ABCA12: variants seen among roughly 807,000 people sequenced by gnomAD.
The protein encoded by ABCA12 is glucosylceramide transporter ABCA12.
ABCA12 carries 156 observed loss-of-function variants against 293.5 expected under a neutral mutation model. The ratio of observed to expected loss-of-function variants is 0.53; its 90% CI spans 0.47 to 0.61. ABCA12 has a LOEUF of 0.61. ABCA12 is among the 20% of genes least tolerant of loss of function. The pLI, the probability that ABCA12 is intolerant of heterozygous loss-of-function variation, is 0.00. For synonymous variants in ABCA12, 1,063 were observed against 1,108.0 expected (o/e 0.96, Z 0.81); for missense variants, 2,797 against 3,090.2 (o/e 0.91, Z 2.25).
chr2:214,986,658 A>G lies in ABCA12; in HGVS notation c.4047T>C (p.His1349=), dbSNP rs753988231. Residue 1349 remains histidine (H), a synonymous_variant, in exon 28 of 53, where the codon CAT becomes CAC. Transcript: ENST00000272895. ...TTGAGCCATAGATCTTTGTGACCCC[A>G]TGCAGGGCAACCCCGACTGTGAGAT... ...PKDLTVGVAL[H]GVTKIYGSKV... 13 of 1,614,160 alleles carry G rather than the reference A, an allele frequency of 8.1e-6. No individual in the cohort carries two copies. In the South Asian group the frequency reaches 1.3e-4, roughly 16 times the overall value.
intron 1 of ABCA12, among the ~76,000 whole-genome samples, chr2:215,124,735 T>A (rs967788011): frequency 1.3e-5 from 2 of 152,212 alleles, no homozygotes; most frequent in Admixed American, 6.5e-5. Flanking sequence ...TTGTGAAGAT[T>A]TTCTCCCACT....
intron 2 of ABCA12, among the ~76,000 whole-genome samples, chr2:215,094,976 G>T (rs77538866): frequency 0.055 from 8,366 of 151,702 alleles, 744 homozygotes; most frequent in African/African-American, 0.19. Flanking sequence ...CCTATCAATG[G>T]GACAGGCACA....
chr2:214,968,845 G>T, intron 37 of ABCA12, 38 bp from the exon 38 acceptor site: 1 of 1,575,274 alleles, frequency 6.3e-7, no homozygotes, highest in Non-Finnish European at 8.7e-7. Context: ...TGGTTTAGTG[G>T]AGAAAATCTT....
At chr2:214,944,051 T>C (rs1698496150) in intron 49 of ABCA12, among the ~76,000 whole-genome samples, 2 of 152,158 alleles carry the variant, frequency 1.3e-5, no homozygotes, top group Admixed American at 1.3e-4. Context: ...GTCTGCTTTG[T>C]GGAGGAGAGG....
chr2:214,963,026 A>G (rs1699156444), intron 39 of ABCA12: 1 of 152,154 alleles, frequency 6.6e-6, no homozygotes, highest in South Asian at 2.1e-4. Context: ...AACCAAGAGC[A>G]AATAAACCCC....
intron 2 of ABCA12, among the ~76,000 whole-genome samples, chr2:215,092,191 C>A (rs577528002): frequency 6.6e-6 from 1 of 152,162 alleles, no homozygotes; most frequent in Non-Finnish European, 1.5e-5. Context: ...ACATTACCTT[C>A]TTTTCAAGGG....
intron 1 of ABCA12, among the ~76,000 whole-genome samples, chr2:215,130,512 A>T (rs867283792): frequency 6.6e-6 from 1 of 152,040 alleles, no homozygotes; most frequent in East Asian, 1.9e-4. Context: ...TAAGTTCCTG[A>T]TTTGGTTCTC....
At chr2:214,947,850 A>T in intron 47 of ABCA12, 2 of 397,254 alleles carry the variant, frequency 5.0e-6, no homozygotes, top group Non-Finnish European at 9.5e-6. Flanking sequence ...GCATTACCAC[A>T]AGATTCTCTA....
At chr2:215,019,240 T>C in intron 13 of ABCA12, 96 bp downstream of exon 13, 1 of 1,111,878 alleles carries the variant, frequency 9.0e-7, no homozygotes, top group Non-Finnish European at 1.4e-6. Context: ...GCAAAGCGAG[T>C]TTGGTTGGGA....
chr2:215,033,349 T>G (rs1411485755), intron 8 of ABCA12, among the ~76,000 whole-genome samples: 1 of 152,242 alleles, frequency 6.6e-6, no homozygotes, highest in Non-Finnish European at 1.5e-5. Context: ...TTGCTCACTT[T>G]GAACTCCTAT....
At chr2:215,057,248 C>A (rs1382224796) in intron 3 of ABCA12, among the ~76,000 whole-genome samples, 1 of 152,004 alleles carries the variant, frequency 6.6e-6, no homozygotes, top group Admixed American at 6.6e-5. Flanking sequence ...AATAATAACA[C>A]CTACTTTGCA....
chr2:215,065,183 T>C (rs1009583078), intron 2 of ABCA12, among the ~76,000 whole-genome samples: 5 of 150,774 alleles, frequency 3.3e-5, no homozygotes, highest in African/African-American at 9.8e-5. Flanking sequence ...AGGTTTGCTA[T>C]GAAAACACTA....
At chr2:214,971,673 T>A (rs530108080) in intron 36 of ABCA12, among the ~76,000 whole-genome samples, 20 of 152,240 alleles carry the variant, frequency 1.3e-4, no homozygotes, top group Non-Finnish European at 2.4e-4. Context: ...GGTCGATCAA[T>A]CATTCTCATT....
intron 2 of ABCA12, chr2:215,085,362 G>A (rs1203349753): frequency 6.6e-6 from 1 of 152,086 alleles, no homozygotes; most frequent in Non-Finnish European, 1.5e-5. Flanking sequence ...CCCAGGCCTG[G>A]ACTCAAAACC....
At chr2:215,084,255 G>A (rs1701997924) in intron 2 of ABCA12, among the ~76,000 whole-genome samples, 1 of 152,052 alleles carries the variant, frequency 6.6e-6, no homozygotes, top group African/African-American at 2.4e-5. Context: ...CTAAAGTGCT[G>A]GGATTACAGG....
chr2:214,966,940 G>A lies in ABCA12; in HGVS notation c.5792C>T (p.Pro1931Leu). 1 of 1,613,430 alleles carries A rather than the reference G, an allele frequency of 6.2e-7. No homozygotes were observed. Among genetic ancestry groups the A allele is most frequent in the Non-Finnish European group, 8.5e-7 (1 of 1,179,540 alleles). The change falls in exon 39 of 53, where the codon CCA (proline) becomes CTA (leucine). Residue 1931 changes from proline (P) to leucine (L), a missense_variant. Pro to Leu is a moderately conservative substitution (Grantham distance 98). Around this residue, in one of 3 missense-constraint regions of ABCA12, gnomAD observed 2,130 missense variants for 2,427.0 expected, o/e 0.88. Coordinates refer to ENST00000272895, the MANE Select transcript of ABCA12 (RefSeq NM_173076.3). ...AGCTGGAAGGGAGTGATAGCCTTCT[G>A]GATCATACCATACCTATTAAATTCC... ...NRTLAKVWYD[P>L]EGYHSLPAYL...
chr2:215,117,623 C>T (rs571385314), intron 1 of ABCA12, among the ~76,000 whole-genome samples: 9 of 152,270 alleles, frequency 5.9e-5, no homozygotes, highest in African/African-American at 9.6e-5. Flanking sequence ...TACTTTATTA[C>T]GTTGTCAGAA....
Position 215,111,701 on chromosome 2 carries a change from A to G in ABCA12, c.70-11T>C, listed in dbSNP as rs1384176804. The G allele has an allele frequency of 6.2e-7, 1 of 1,604,274 alleles. No individual in the cohort carries two copies. The highest frequency in any genetic ancestry group is 8.5e-7 in the Non-Finnish European group (1 of 1,171,938). On this transcript the variant is annotated splice_polypyrimidine_tract_variant and intron_variant, in intron 1 of 52. Transcript: ENST00000272895. Reference sequence around the variant, plus strand: ...GACAAGTGTCCAAAGCTGCAAAATAATGGTAGAAAAAATTGTTAGTTTTAT... The same window carrying G: ...GACAAGTGTCCAAAGCTGCAAAATAGTGGTAGAAAAAATTGTTAGTTTTAT...
chr2:215,001,682 T>G lies in ABCA12; in HGVS notation c.2739A>C (p.Thr913=), dbSNP rs1189205286. 5 of 1,613,706 alleles carry G rather than the reference T, an allele frequency of 3.1e-6. No individual in the cohort carries two copies. The highest frequency in any genetic ancestry group is 4.2e-6 in the Non-Finnish European group (5 of 1,179,792). ...AAATATTTACTGTCAGGGAAGATAG[T>G]GTGTTAAGCTGATCGATGATGTCAA... ...NNIDIIDQLN[T]LSSLTVNISS... The change falls in exon 21 of 53, where the codon ACA becomes ACC. Residue 913 remains threonine, a synonymous_variant. Coordinates refer to ENST00000272895, the MANE Select transcript of ABCA12 (RefSeq NM_173076.3).
Sources: gnomAD v4.1 joint callset for allele counts (sites outside exome capture counted in the v4.1 genomes callset) on GRCh38, gnomAD v4.1.1 for gene constraint, gnomAD v4.1.1 regional missense constraint, MANE v1.5 for transcripts, NCBI Gene and HGNC (gene_info 2026-07-23, HGNC 2026-07-21) for gene names.